Variants in RASGEF1C observed in about 807,000 individuals in gnomAD.
RASGEF1C encodes ras-GEF domain-containing family member 1C.
A neutral mutation model predicts 58.1 loss-of-function variants in RASGEF1C; 27 were observed. That is an observed-to-expected ratio of 0.46 (90% CI 0.34 to 0.64). The LOEUF is 0.64. RASGEF1C is among the 30% of genes least tolerant of loss of function. RASGEF1C has a pLI of 0.01. For missense variants in RASGEF1C, 502 were observed against 605.1 expected (o/e 0.83, Z 1.79); for synonymous variants, 243 against 246.3 (o/e 0.99, Z 0.13).
intron 1 of RASGEF1C, among the ~76,000 whole-genome samples, chr5:180,141,689 T>C (rs1766582244): frequency 6.6e-6 from 1 of 151,384 alleles, no homozygotes; most frequent in African/African-American, 2.4e-5. Flanking sequence ...GTTAAAATGA[T>C]ACATTTTATG....
chr5:180,169,397 T>C (rs2113308323), intron 1 of RASGEF1C, among the ~76,000 whole-genome samples: 1 of 152,118 alleles, frequency 6.6e-6, no homozygotes, highest in Non-Finnish European at 1.5e-5. Context: ...CTGGCCCCTT[T>C]GAAGGGGGCT....
At chr5:180,111,743 G>A (rs781451580) in intron 11 of RASGEF1C, among the ~76,000 whole-genome samples, 163 bp from the exon 12 acceptor site, 45 of 152,214 alleles carry the variant, frequency 3.0e-4, no homozygotes, top group Non-Finnish European at 5.7e-4. Context: ...GTCCTGGCCT[G>A]CAGCCTGTGT....
At chr5:180,181,120 T>C (rs1431952092) in intron 1 of RASGEF1C, among the ~76,000 whole-genome samples, 2 of 152,246 alleles carry the variant, frequency 1.3e-5, no homozygotes, top group African/African-American at 4.8e-5. Flanking sequence ...CCTGGGGCTC[T>C]GCCCCTCCCA....
intron 1 of RASGEF1C, among the ~76,000 whole-genome samples, chr5:180,189,923 C>CAAAAAAAAA (rs71001085): frequency 1.6e-3 from 61 of 37,158 alleles, no homozygotes; most frequent in Admixed American, 2.1e-3. Context: ...AACTCCATCT[C>CAAAAAAAAA]AAAAAAAAAA....
rs183689176 is a variant in RASGEF1C, at chr5:180,124,107, C to T, written c.715-2958G>A. ...CCTTGAATCAGTACACGAAAGTCAT[C>T]CCTCAAAGAAAATACTCGGGAGGCT... On this transcript the variant is annotated intron_variant, in intron 6 of 13. Transcript: ENST00000361132. Among the ~76,000 whole-genome samples the T allele has an allele frequency of 1.1e-3, 175 of 152,200 alleles. 1 individual carries two copies. Among genetic ancestry groups the T allele is most frequent in the Middle Eastern group, 0.01 (3 of 294 alleles).
intron 1 of RASGEF1C, among the ~76,000 whole-genome samples, chr5:180,189,425 T>A (rs776168258): frequency 6.6e-6 from 1 of 152,200 alleles, no homozygotes; most frequent in Non-Finnish European, 1.5e-5. Context: ...CAAAACTATT[T>A]TGAAAAAGTA....
chr5:180,148,025 C>A (rs1437919372), intron 1 of RASGEF1C, among the ~76,000 whole-genome samples: 3 of 152,062 alleles, frequency 2.0e-5, no homozygotes, highest in African/African-American at 7.2e-5. Context: ...TTTTAATGAC[C>A]TGTTTTGGGG....
At chr5:180,149,088 C>CTTTTTTTTTTTT (rs61204210) in intron 1 of RASGEF1C, among the ~76,000 whole-genome samples, 9 of 110,170 alleles carry the variant, frequency 8.2e-5, no homozygotes, top group African/African-American at 2.7e-4. Context: ...CTTTTTTTTT[C>CTTTTTTTTTTTT]TTTTTTTTTT....
At chr5:180,199,988 G>A (rs1480077997) in intron 1 of RASGEF1C, among the ~76,000 whole-genome samples, 8 of 152,150 alleles carry the variant, frequency 5.3e-5, no homozygotes, top group Admixed American at 6.5e-5. Flanking sequence ...CGGGTCGGAC[G>A]TGGTGGCTCA....
chr5:180,112,831 GAGGATGGATGGAGGGACCA>G (rs1765980669), intron 11 of RASGEF1C, among the ~76,000 whole-genome samples: 1 of 152,240 alleles, frequency 6.6e-6, no homozygotes. Context: ...TGCAGTGACT[GAGGATGGATGGAGGGACCA>G]AGGATGGACG....
intron 7 of RASGEF1C, 68 bp downstream of exon 7, chr5:180,120,992 G>T: frequency 9.0e-7 from 1 of 1,110,232 alleles, no homozygotes; most frequent in Non-Finnish European, 1.4e-6. Flanking sequence ...TCCTTCCCCC[G>T]TGGGCTCCTC....
chr5:180,190,618 T>A (rs555354483), intron 1 of RASGEF1C, among the ~76,000 whole-genome samples: 1 of 150,296 alleles, frequency 6.7e-6, no homozygotes, highest in South Asian at 2.1e-4. Context: ...CAGTGAGCTG[T>A]GATCGCACCA....
intron 1 of RASGEF1C, among the ~76,000 whole-genome samples, chr5:180,179,285 T>A (rs1349847285): frequency 6.6e-6 from 1 of 151,754 alleles, no homozygotes; most frequent in African/African-American, 2.4e-5. Context: ...TTGTCTGAGA[T>A]GAGGGAGGCT....
chr5:180,189,236 G>A (rs139106091), intron 1 of RASGEF1C, among the ~76,000 whole-genome samples: 69 of 152,338 alleles, frequency 4.5e-4, no homozygotes, highest in African/African-American at 1.6e-3. Context: ...GAGCAAAGAT[G>A]TACAAGGGCT....
intron 4 of RASGEF1C, among the ~76,000 whole-genome samples, chr5:180,133,535 C>A (rs925813244): frequency 2.6e-5 from 4 of 152,184 alleles, no homozygotes; most frequent in Non-Finnish European, 4.4e-5. Context: ...CTGAAAAGAC[C>A]CGTGCTCACC....
At chr5:180,152,658 A>C (rs528323805) in intron 1 of RASGEF1C, among the ~76,000 whole-genome samples, 18 of 151,750 alleles carry the variant, frequency 1.2e-4, no homozygotes, top group Non-Finnish European at 2.7e-4. Context: ...GCACATGTAT[A>C]CATATGTAAC....
chr5:180,197,319 C>G lies in RASGEF1C; in HGVS notation c.-7+11709G>C, dbSNP rs1178125511. 6.6e-6 allele frequency among the ~76,000 whole-genome samples: 1 copy of G among 152,194 alleles called. No individual in the cohort carries two copies. Among genetic ancestry groups the G allele is most frequent in the African/African-American group, 2.4e-5 (1 of 41,442 alleles). On this transcript the variant is annotated intron_variant, in intron 1 of 13. Transcript: ENST00000361132. This position sits in a 1 kb window ranked among gnomAD's most constrained non-coding sequence, Gnocchi z 4.7. ...CGGCAGGGGGAAGCAATGGCGGGAT[C>G]CAGGGTGCTGCTCAGGGCAGTGGTG...
chr5:180,118,340 T>C (rs1044664242), intron 10 of RASGEF1C, among the ~76,000 whole-genome samples: 1 of 148,592 alleles, frequency 6.7e-6, no homozygotes, highest in Non-Finnish European at 1.5e-5. Context: ...CGAAGTGGCC[T>C]CACTCGTGTG....
intron 1 of RASGEF1C, among the ~76,000 whole-genome samples, chr5:180,182,992 T>C (rs1429032657): frequency 6.6e-6 from 1 of 152,274 alleles, no homozygotes; most frequent in Admixed American, 6.5e-5. Flanking sequence ...TAGGTGATGT[T>C]ATCTGGCAAA....
Sources: gnomAD v4.1 joint callset for allele counts (sites outside exome capture counted in the v4.1 genomes callset) on GRCh38, gnomAD v4.1.1 for gene constraint, Gnocchi (gnomAD v3.1) non-coding constraint, MANE v1.5 for transcripts, NCBI Gene and HGNC (gene_info 2026-07-23, HGNC 2026-07-21) for gene names.